Variants in ATG5 observed in about 807,000 individuals in gnomAD.
ATG5 encodes autophagy protein 5.
ATG5 carries 14 observed loss-of-function variants against 36.5 expected under a neutral mutation model. The ratio of observed to expected loss-of-function variants is 0.38; its 90% CI spans 0.25 to 0.60. ATG5 has a LOEUF of 0.60. Ranked by LOEUF, ATG5 falls within the 20% of genes least tolerant of loss-of-function variation. ATG5 has a pLI of 0.60. For missense variants in ATG5, 195 were observed against 326.7 expected (o/e 0.60, Z 3.11); for synonymous variants, 95 against 101.5 (o/e 0.94, Z 0.38).
At chr6:106,320,950 G>A (rs140065845) in intron 1 of ATG5, among the ~76,000 whole-genome samples, 2 of 152,312 alleles carry the variant, frequency 1.3e-5, no homozygotes, top group African/African-American at 4.8e-5. Flanking sequence ...GACCTAGAGA[G>A]GTAGTCATGG....
intron 6 of ATG5, among the ~76,000 whole-genome samples, chr6:106,228,311 G>A (rs1264682305): frequency 6.6e-6 from 1 of 152,148 alleles, no homozygotes; most frequent in African/African-American, 2.4e-5. Flanking sequence ...CCATCCCTCT[G>A]GATCTAGCAG....
intron 7 of ATG5, among the ~76,000 whole-genome samples, chr6:106,192,927 G>A (rs1776022791): frequency 6.6e-6 from 1 of 152,194 alleles, no homozygotes; most frequent in Non-Finnish European, 1.5e-5. Flanking sequence ...GCTGAAATGT[G>A]AAGTGCATAC....
intron 7 of ATG5, among the ~76,000 whole-genome samples, chr6:106,191,259 AC>A: frequency 6.6e-6 from 1 of 152,168 alleles, no homozygotes; most frequent in Non-Finnish European, 1.5e-5. Flanking sequence ...TTTTCTACAA[AC>A]AAAATTTTAT....
intron 6 of ATG5, among the ~76,000 whole-genome samples, chr6:106,216,911 A>T (rs1320018553): frequency 2.0e-5 from 3 of 151,952 alleles, no homozygotes; most frequent in Admixed American, 1.3e-4. Flanking sequence ...ATAAATAAAT[A>T]AAAGGGTGAC....
intron 5 of ATG5, among the ~76,000 whole-genome samples, chr6:106,277,925 CTGTTT>C (rs1779726062): frequency 6.6e-6 from 1 of 152,076 alleles, no homozygotes; most frequent in African/African-American, 2.4e-5. Context: ...ACACTGAGAA[CTGTTT>C]TATTTTTAAA....
At chr6:106,196,548 A>C (rs1021119293) in intron 7 of ATG5, among the ~76,000 whole-genome samples, 1 of 152,006 alleles carries the variant, frequency 6.6e-6, no homozygotes, top group Non-Finnish European at 1.5e-5. Context: ...ACATGGTGAA[A>C]CCCCGTCTCT....
intron 7 of ATG5, among the ~76,000 whole-genome samples, chr6:106,191,550 C>T (rs1332228663): frequency 6.6e-6 from 1 of 152,132 alleles, no homozygotes; most frequent in Non-Finnish European, 1.5e-5. Flanking sequence ...ACTCAAACTT[C>T]TGTTTCCTCA....
chr6:106,325,075 G>T lies in ATG5; in HGVS notation c.-59+451C>A, dbSNP rs186192131. Reference sequence around the variant, plus strand: ...AGTATGTAAAAGTGTCTTGCCAACAGAAAATGTCTTTGGTAGCACTAAATA... The same window carrying T: ...AGTATGTAAAAGTGTCTTGCCAACATAAAATGTCTTTGGTAGCACTAAATA... On this transcript the variant is annotated intron_variant, in intron 1 of 7. Coordinates refer to ENST00000369076, the MANE Select transcript of ATG5 (RefSeq NM_004849.4). 1.7e-3 allele frequency among the ~76,000 whole-genome samples: 257 copies of T among 152,348 alleles called. 2 individuals carry two copies. The highest frequency in any genetic ancestry group is 5.9e-3 in the African/African-American group (246 of 41,576).
intron 6 of ATG5, among the ~76,000 whole-genome samples, chr6:106,203,672 AC>A (rs1040757065): frequency 6.6e-6 from 1 of 151,952 alleles, no homozygotes; most frequent in African/African-American, 2.4e-5. Context: ...CAGTGGTGCA[AC>A]CCCCAAGTTG....
chr6:106,283,842 G>A (rs1033259230), intron 4 of ATG5: 2 of 152,118 alleles, frequency 1.3e-5, no homozygotes, highest in African/African-American at 2.4e-5. Flanking sequence ...TTCTTATGTC[G>A]GTTTTGGTGA....
intron 6 of ATG5, among the ~76,000 whole-genome samples, chr6:106,231,218 C>G (rs1777676778): frequency 6.6e-6 from 1 of 152,168 alleles, no homozygotes. Flanking sequence ...TCAGATAACC[C>G]TAATGGCTAT....
Position 106,185,699 on chromosome 6 carries a change from C to T in ATG5, c.*841G>A, listed in dbSNP as rs945119332. ...TGACAGGCTTACAGTGATAAAACAA[C>T]AAAGATGAACAGTTACAATATTTAT... On this transcript the variant is annotated 3_prime_UTR_variant, in exon 8 of 8. Transcript: ENST00000369076. The T allele has an allele frequency of 1.3e-5, 2 of 152,236 alleles. No individual in the cohort carries two copies. Among genetic ancestry groups the T allele is most frequent in the East Asian group, 3.7e-4 (2 of 5,342 alleles). The allele number at this position is 152,236 out of a possible 1,614,324, so 9.4% of individuals were successfully genotyped here. A position where few individuals can be genotyped will look rare whatever the true frequency, so the allele number is the denominator to read the frequency against.
At chr6:106,276,745 T>G (rs1779673208) in intron 5 of ATG5, among the ~76,000 whole-genome samples, 1 of 152,198 alleles carries the variant, frequency 6.6e-6, no homozygotes, top group African/African-American at 2.4e-5. Flanking sequence ...TGAAGTTAAC[T>G]CAAATCCTTC....
chr6:106,257,237 G>A (rs1411764747), intron 5 of ATG5, among the ~76,000 whole-genome samples: 2 of 152,130 alleles, frequency 1.3e-5, no homozygotes, highest in African/African-American at 2.4e-5. Context: ...CCTCTTGAAG[G>A]ACCTTCCTAT....
intron 5 of ATG5, among the ~76,000 whole-genome samples, chr6:106,254,884 T>A (rs1166732098): frequency 6.6e-6 from 1 of 152,250 alleles, no homozygotes; most frequent in Non-Finnish European, 1.5e-5. Context: ...TCTATGTGAA[T>A]GTTGCCTGTT....
chr6:106,306,143 CT>C (rs916592104), intron 3 of ATG5, among the ~76,000 whole-genome samples: 1 of 152,160 alleles, frequency 6.6e-6, no homozygotes, highest in Non-Finnish European at 1.5e-5. Flanking sequence ...GAACTCCACT[CT>C]TTAATAAAAG....
intron 5 of ATG5, among the ~76,000 whole-genome samples, chr6:106,265,731 C>T (rs959839775): frequency 2.0e-5 from 3 of 149,676 alleles, no homozygotes; most frequent in Admixed American, 6.6e-5. Flanking sequence ...ACATGAAAAC[C>T]GCTCCTAAAT....
At chr6:106,229,641 G>A (rs1291123372) in intron 6 of ATG5, among the ~76,000 whole-genome samples, 2 of 152,142 alleles carry the variant, frequency 1.3e-5, no homozygotes, top group African/African-American at 2.4e-5. Context: ...TCTTCTCCGC[G>A]ACCCTATAAC....
At chr6:106,231,670 A>G (rs958388783) in intron 6 of ATG5, among the ~76,000 whole-genome samples, 1 of 152,222 alleles carries the variant, frequency 6.6e-6, no homozygotes, top group African/African-American at 2.4e-5. Flanking sequence ...ACTGAAGGCC[A>G]ACTAATCTTA....
Sources: gnomAD v4.1 joint callset for allele counts (sites outside exome capture counted in the v4.1 genomes callset) on GRCh38, gnomAD v4.1.1 for gene constraint, MANE v1.5 for transcripts, NCBI Gene and HGNC (gene_info 2026-07-23, HGNC 2026-07-21) for gene names.